The following ZNF33B variants were observed in gnomAD, a reference collection of about 807,000 sequenced individuals.
ZNF33B encodes zinc finger protein 11b (KOX 2).
ZNF33B carries 29 observed loss-of-function variants against 45.8 expected under a neutral mutation model. That is an observed-to-expected ratio of 0.63 (90% CI 0.47 to 0.86). ZNF33B has a LOEUF of 0.86. Among genes scored for constraint, ZNF33B ranks in the 40% least tolerant of loss-of-function variants. ZNF33B has a pLI of 0.00. For missense variants in ZNF33B, 831 were observed against 909.9 expected (o/e 0.91, Z 1.12); for synonymous variants, 305 against 307.8 (o/e 0.99, Z 0.10).
At chr10:42,583,236 C>T (rs1836859986) in intron 1 of ZNF33B, 3 of 652,502 alleles carry the variant, frequency 4.6e-6, no homozygotes, top group Non-Finnish European at 8.5e-6. Context: ...AATGCTTAAC[C>T]AAAGGAGGGA....
At chr10:42,621,270 TACAG>T (rs1838571649) in intron 4 of ZNF33B, among the ~76,000 whole-genome samples, 1 of 151,584 alleles carries the variant, frequency 6.6e-6, no homozygotes, top group African/African-American at 2.4e-5. Context: ...AGTTCGAGGC[TACAG>T]TGAGCCATAA....
Position 42,593,367 on chromosome 10 carries a change from T to C in ZNF33B, c.1583A>G (p.Tyr528Cys), listed in dbSNP as rs759683645. The change falls in exon 5 of 5, where the codon TAT (tyrosine) becomes TGT (cysteine). Residue 528 changes from tyrosine (Y) to cysteine (C), a missense_variant. Physicochemically the swap from Tyr to Cys is radical, Grantham distance 194 (BLOSUM62 -2). Coordinates refer to ENST00000359467, the MANE Select transcript of ZNF33B (RefSeq NM_006955.3). Reference sequence around the variant, plus strand: ...CAAGCAGAAGGTTTTCCCACATTCATAACATTCATAAGGTTTCAACCCTGT... The same window carrying C: ...CAAGCAGAAGGTTTTCCCACATTCACAACATTCATAAGGTTTCAACCCTGT... ...IHTGLKPYEC[Y>C]ECGKTFCLKS... 3 of 1,613,946 alleles carry C rather than the reference T, an allele frequency of 1.9e-6. No homozygotes were observed. In the Admixed American group the frequency reaches 5.0e-5, roughly 27 times the overall value.
Position 42,592,583 on chromosome 10 carries a change from A to C in ZNF33B, c.*30T>G, listed in dbSNP as rs1837175957. 6.3e-7 allele frequency: 1 copy of C among 1,595,450 alleles called. No homozygotes were observed. Among genetic ancestry groups the C allele is most frequent in the African/African-American group, 1.3e-5 (1 of 74,428 alleles). ...AGACTCTGAGGCATTATGGAGGCTG[A>C]CTTGTGGCTGGAAATTTCTAATATC... On this transcript the variant is annotated 3_prime_UTR_variant, in exon 5 of 5. Coordinates refer to ENST00000359467, the MANE Select transcript of ZNF33B (RefSeq NM_006955.3).
chr10:42,577,878 C>G (rs1380635761), intron 1 of ZNF33B, among the ~76,000 whole-genome samples: 1 of 152,168 alleles, frequency 6.6e-6, no homozygotes, highest in East Asian at 1.9e-4. Context: ...ACTGAGGAGG[C>G]CTACATAGAA....
At chr10:42,634,880 A>G (rs1461608737) in intron 2 of ZNF33B, among the ~76,000 whole-genome samples, 2 of 152,268 alleles carry the variant, frequency 1.3e-5, no homozygotes, top group East Asian at 1.9e-4. Flanking sequence ...CATCTAAAAT[A>G]GCACACACCA....
chr10:42,575,740 T>C (rs141387145), intron 1 of ZNF33B, among the ~76,000 whole-genome samples: 1 of 147,430 alleles, frequency 6.8e-6, no homozygotes, highest in Non-Finnish European at 1.5e-5. Context: ...ATATATATTT[T>C]TTTTTTTTGA....
intron 2 of ZNF33B, among the ~76,000 whole-genome samples, chr10:42,634,259 T>C (rs1839187589): frequency 6.6e-6 from 1 of 151,790 alleles, no homozygotes; most frequent in Non-Finnish European, 1.5e-5. Context: ...ACAAAAAAAT[T>C]AGCCAGGCGT....
At chr10:42,631,752 T>C (rs996986631) in intron 4 of ZNF33B, 177 bp downstream of exon 4, 2 of 579,080 alleles carry the variant, frequency 3.5e-6, no homozygotes, top group Non-Finnish European at 6.2e-6. Flanking sequence ...AGGAAAAATT[T>C]TTTGTGAGTA....
At chr10:42,579,631 A>G (rs1481385884) in intron 1 of ZNF33B, 2 of 152,440 alleles carry the variant, frequency 1.3e-5, no homozygotes, top group African/African-American at 2.4e-5. Context: ...GTATCAATAG[A>G]AGGTCTGTAT....
downstream of ZNF33B, chr10:42,588,980 A>G (rs1393697881): frequency 1.2e-5 from 2 of 163,478 alleles, no homozygotes; most frequent in East Asian, 1.9e-4. Flanking sequence ...CACAGTTACC[A>G]TAATTTAAAA....
rs1164024299 is a variant in ZNF33B at position 42,592,679 on chromosome 10, G to A, written c.2271C>T (p.Thr757=). The part of the protein sequence containing the change: ...KPYECNTCRK[T]FSQKSNLIVH... ...CAATGAGATTTGACTTTTGAGAGAAGGTTTTCCTGCATGTGTTACATTCAT... is the reference window on the plus strand; with the variant it reads ...CAATGAGATTTGACTTTTGAGAGAAAGTTTTCCTGCATGTGTTACATTCAT... Residue 757 remains threonine, a synonymous_variant, in exon 5 of 5, where the codon ACC becomes ACT. Transcript: ENST00000359467. 6.8e-6 allele frequency: 11 copies of A among 1,614,006 alleles called. No individual in the cohort carries two copies. The South Asian group carries it at 1.2e-4, about 18-fold the overall frequency.
At chr10:42,631,281 C>A (rs1429700942) in intron 4 of ZNF33B, among the ~76,000 whole-genome samples, 1 of 152,140 alleles carries the variant, frequency 6.6e-6, no homozygotes, top group East Asian at 1.9e-4. Context: ...TCTCAGCTCA[C>A]TGCAACCTCT....
At chr10:42,623,675 G>A (rs158377) in intron 4 of ZNF33B, among the ~76,000 whole-genome samples, 1 of 151,938 alleles carries the variant, frequency 6.6e-6, no homozygotes, top group Non-Finnish European at 1.5e-5. Flanking sequence ...CTGTTGGGAG[G>A]GGGGAATGAG....
At chr10:42,625,754 TGAG>T (rs1838780824) in intron 4 of ZNF33B, among the ~76,000 whole-genome samples, 1 of 152,272 alleles carries the variant, frequency 6.6e-6, no homozygotes, top group Admixed American at 6.5e-5. Flanking sequence ...ATTATAGGCA[TGAG>T]CCACCAGGCC....
intron 1 of ZNF33B, among the ~76,000 whole-genome samples, chr10:42,576,919 G>A: frequency 6.6e-6 from 1 of 152,098 alleles, no homozygotes; most frequent in South Asian, 2.1e-4. Context: ...GATCACCTGA[G>A]GTTAGGAGTT....
chr10:42,634,016 A>G (rs887483242), intron 2 of ZNF33B, among the ~76,000 whole-genome samples: 5 of 152,116 alleles, frequency 3.3e-5, no homozygotes, highest in African/African-American at 1.2e-4. Flanking sequence ...AGAATGAAAC[A>G]AGGACTACAG....
At chr10:42,626,244 G>A (rs1294082325) in intron 4 of ZNF33B, among the ~76,000 whole-genome samples, 4 of 152,158 alleles carry the variant, frequency 2.6e-5, no homozygotes, top group Non-Finnish European at 5.9e-5. Flanking sequence ...TGTTTATAGT[G>A]TATACTTTTT....
At chr10:42,626,011 A>G (rs1167635633) in intron 4 of ZNF33B, among the ~76,000 whole-genome samples, 1 of 152,272 alleles carries the variant, frequency 6.6e-6, no homozygotes, top group Non-Finnish European at 1.5e-5. Context: ...TATATCTGCT[A>G]TAGATATTTT....
chr10:42,578,586 G>A (rs951306370), intron 1 of ZNF33B: 90 of 152,544 alleles, frequency 5.9e-4, no homozygotes, highest in African/African-American at 2.1e-3. Context: ...AGCATGGACA[G>A]GGAAGCCCCT....
Sources: gnomAD v4.1 joint callset for allele counts (sites outside exome capture counted in the v4.1 genomes callset) on GRCh38, gnomAD v4.1.1 for gene constraint, MANE v1.5 for transcripts, NCBI Gene and HGNC (gene_info 2026-07-23, HGNC 2026-07-21) for gene names.